The following NKAIN2 variants were observed in gnomAD, a reference collection of about 807,000 sequenced individuals.
NKAIN2 encodes the protein sodium/potassium transporting ATPase interacting 2, also known as sodium/potassium-transporting ATPase subunit beta-1-interacting protein 2.
In NKAIN2, 14 loss-of-function variants were observed where a neutral mutation model predicts 32.6. The observed-to-expected ratio is 0.43, with a 90% confidence interval of 0.28 to 0.67. NKAIN2 has a LOEUF of 0.67. Among genes scored for constraint, NKAIN2 ranks in the 30% least tolerant of loss-of-function variants. NKAIN2 has a pLI of 0.17. For synonymous variants in NKAIN2, 80 were observed against 87.2 expected, an observed-to-expected ratio of 0.92 and a Z score of 0.46; for missense variants, 198 against 258.3, an observed-to-expected ratio of 0.77 and a Z score of 1.60.
intron 1 of NKAIN2, among the ~76,000 whole-genome samples, chr6:123,891,711 C>T (rs908821578): frequency 2.0e-5 from 3 of 152,146 alleles, no homozygotes; most frequent in Non-Finnish European, 4.4e-5. Flanking sequence ...AAATGATCTA[C>T]GTCGTTCTAT....
intron 1 of NKAIN2, among the ~76,000 whole-genome samples, chr6:124,123,037 T>C (rs1582687757): frequency 6.6e-6 from 1 of 152,292 alleles, no homozygotes. Flanking sequence ...TAATCTCTAT[T>C]GTGATAAGTG....
chr6:124,459,066 G>T lies in NKAIN2; in HGVS notation c.273+103719G>T, dbSNP rs1440140745. 2.0e-5 allele frequency among the ~76,000 whole-genome samples: 3 copies of T among 151,840 alleles called. No individual in the cohort carries two copies. In the South Asian group the frequency reaches 6.2e-4, roughly 32 times the overall value. ...ACTTTCTAGTTTTTGATCACCAAAG[G>T]CAAGTATAATGTGGGTACGCTAAAA... On this transcript the variant is annotated intron_variant, in intron 3 of 6. Coordinates refer to ENST00000368417, the MANE Select transcript of NKAIN2 (RefSeq NM_001040214.3).
chr6:124,533,199 C>T (rs1779588726), intron 3 of NKAIN2, among the ~76,000 whole-genome samples: 1 of 152,012 alleles, frequency 6.6e-6, no homozygotes, highest in South Asian at 2.1e-4. Context: ...GCAGGAGCCT[C>T]CTACTCTGCC....
At chr6:123,899,862 C>T (rs1474944459) in intron 1 of NKAIN2, among the ~76,000 whole-genome samples, 1 of 152,140 alleles carries the variant, frequency 6.6e-6, no homozygotes, top group African/African-American at 2.4e-5. Context: ...TGTAGGGTCA[C>T]CTGATCCCTT....
intron 3 of NKAIN2, among the ~76,000 whole-genome samples, chr6:124,428,317 C>G (rs1205805993): frequency 6.6e-6 from 1 of 151,976 alleles, no homozygotes; most frequent in South Asian, 2.1e-4. Context: ...TCACCCCAAC[C>G]CCAGATTGCT....
At chr6:124,290,895 C>T (rs1280555349) in intron 2 of NKAIN2, among the ~76,000 whole-genome samples, 1 of 152,004 alleles carries the variant, frequency 6.6e-6, no homozygotes, top group Non-Finnish European at 1.5e-5. Context: ...TTCTTCTTCC[C>T]TGGAGATTTC....
At chr6:124,739,401 G>GTGTA (rs1777099610) in intron 4 of NKAIN2, among the ~76,000 whole-genome samples, 1 of 151,888 alleles carries the variant, frequency 6.6e-6, no homozygotes, top group East Asian at 1.9e-4. Context: ...CTGTGTGTGT[G>GTGTA]TGTGTTTGTG....
intron 3 of NKAIN2, among the ~76,000 whole-genome samples, chr6:124,570,471 G>C (rs566100209): frequency 2.6e-4 from 39 of 152,212 alleles, no homozygotes; most frequent in African/African-American, 9.4e-4. Flanking sequence ...TCCCTGCGCT[G>C]TGTGCAGCCC....
intron 1 of NKAIN2, among the ~76,000 whole-genome samples, chr6:124,054,784 G>A (rs765119978): frequency 6.6e-5 from 10 of 152,008 alleles, no homozygotes; most frequent in Non-Finnish European, 1.5e-4. Flanking sequence ...GATGGAAGAT[G>A]TGGGGAAGGA....
chr6:123,809,213 T>C (rs1415842104), intron 1 of NKAIN2, among the ~76,000 whole-genome samples: 1 of 151,924 alleles, frequency 6.6e-6, no homozygotes, highest in Non-Finnish European at 1.5e-5. Context: ...TTGTTTCCCA[T>C]TTTTTTTCTG....
chr6:124,773,828 C>T (rs1303912694), intron 4 of NKAIN2, among the ~76,000 whole-genome samples: 2 of 152,108 alleles, frequency 1.3e-5, no homozygotes, highest in Non-Finnish European at 2.9e-5. Context: ...GTAAAACTTA[C>T]TGAAGTGACA....
At chr6:124,540,776 T>C (rs1378618785) in intron 3 of NKAIN2, among the ~76,000 whole-genome samples, 1 of 152,226 alleles carries the variant, frequency 6.6e-6, no homozygotes, top group African/African-American at 2.4e-5. Flanking sequence ...TTCATTATAA[T>C]ATTTAATAAA....
At chr6:124,038,040 C>T (rs945375759) in intron 1 of NKAIN2, among the ~76,000 whole-genome samples, 1 of 152,084 alleles carries the variant, frequency 6.6e-6, no homozygotes, top group Non-Finnish European at 1.5e-5. Context: ...CGTAAGTTGT[C>T]TGGTGAGGGC....
At chr6:124,078,786 TTGTGTGTGTGTGTG>T (rs71021477) in intron 1 of NKAIN2, among the ~76,000 whole-genome samples, 4 of 144,642 alleles carry the variant, frequency 2.8e-5, no homozygotes, top group African/African-American at 7.7e-5. Flanking sequence ...TATGTCGTTT[TTGTGTGTGTGTGTG>T]TGTGTGTGTG....
At chr6:124,449,420 T>C (rs1776014098) in intron 3 of NKAIN2, among the ~76,000 whole-genome samples, 1 of 151,984 alleles carries the variant, frequency 6.6e-6, no homozygotes, top group South Asian at 2.1e-4. Flanking sequence ...GCCAACACTG[T>C]TAATAAGTAG....
At chr6:123,923,154 C>T (rs1160010902) in intron 1 of NKAIN2, among the ~76,000 whole-genome samples, 1 of 152,026 alleles carries the variant, frequency 6.6e-6, no homozygotes, top group Non-Finnish European at 1.5e-5. Flanking sequence ...CAAAAAAAAC[C>T]CACAAACACC....
rs572915100 is a variant in NKAIN2 at position 124,103,300 on chromosome 6, T to C, written c.55-179705T>C. ...AAATAGAGCGTGAATCGAAAAGAAC[T>C]TTCCTTAATATTATCAACGTGGGGA... On this transcript the variant is annotated intron_variant, in intron 1 of 6. Transcript: ENST00000368417. Among the ~76,000 whole-genome samples, 7 of 151,922 alleles carry C rather than the reference T, an allele frequency of 4.6e-5. No homozygotes were observed. The South Asian group carries it at 1.5e-3, about 31-fold the overall frequency.
Position 123,971,988 on chromosome 6 carries a change from G to C in NKAIN2, c.54+167734G>C, listed in dbSNP as rs187533561. On this transcript the variant is annotated intron_variant, in intron 1 of 6. Transcript: ENST00000368417. The stretch of plus-strand genomic sequence containing the variant: ...GATTTCTTCTGCCTCTGCCACCCCT[G>C]AAACAGTAAGACCAAGCTTTCCCCT... Among the ~76,000 whole-genome samples, 210 of 152,194 alleles carry C rather than the reference G, an allele frequency of 1.4e-3. 2 individuals carry two copies. The highest frequency in any genetic ancestry group is 6.8e-3 in the Middle Eastern group (2 of 294).
At chr6:124,426,412 A>G (rs1774983605) in intron 3 of NKAIN2, among the ~76,000 whole-genome samples, 1 of 152,202 alleles carries the variant, frequency 6.6e-6, no homozygotes, top group African/African-American at 2.4e-5. Context: ...AGGATAGGAG[A>G]AAATATTTTC....
Sources: allele counts gnomAD v4.1 joint callset (sites outside exome capture counted in the v4.1 genomes callset), GRCh38; gene constraint gnomAD v4.1.1; transcripts MANE v1.5; gene names NCBI Gene and HGNC (gene_info 2026-07-23, HGNC 2026-07-21).